The following VAC14 variants were observed in gnomAD, a reference collection of about 807,000 sequenced individuals.
The protein encoded by VAC14 is protein VAC14 homolog.
Under a neutral mutation model 85.3 loss-of-function variants are expected in VAC14, and 47 were observed. The ratio of observed to expected loss-of-function variants is 0.55; its 90% CI spans 0.44 to 0.70. The LOEUF is 0.70. Ranked by LOEUF, VAC14 falls within the 30% of genes least tolerant of loss-of-function variation. The pLI, the probability that VAC14 is intolerant of heterozygous loss-of-function variation, is 0.00. For synonymous variants in VAC14, 447 were observed against 430.5 expected, an observed-to-expected ratio of 1.04 and a Z score of -0.47; for missense variants, 861 against 1,004.3, an observed-to-expected ratio of 0.86 and a Z score of 1.93.
Position 70,687,955 on chromosome 16 carries a change from G to T in VAC14, c.2322C>A (p.Asp774Glu), listed in dbSNP as rs2053528097. The T allele has an allele frequency of 6.3e-7, 1 of 1,578,246 alleles. No individual in the cohort carries two copies. The highest frequency in any genetic ancestry group is 1.4e-5 in the African/African-American group (1 of 73,584). Residue 774 changes from aspartate (D) to glutamate (E), a missense_variant, in exon 19 of 19, where the codon GAC becomes GAA. Physicochemically the swap from Asp to Glu is conservative, Grantham distance 45. Transcript: ENST00000261776. ...AGAGGACAACCCTCCGGTCCAGGTG[G>T]TCCCCACGCCCGCTCCGCTGGTGCC... ...EVRHQRSGRG[D>E]HLDRRVVL
intron 13 of VAC14, among the ~76,000 whole-genome samples, chr16:70,742,711 T>C (rs1012918341): frequency 6.6e-6 from 1 of 152,206 alleles, no homozygotes; most frequent in African/African-American, 2.4e-5. Context: ...CTGGGCCTGG[T>C]CTTAGGGCCA....
chr16:70,777,852 C>T (rs2033600778), intron 9 of VAC14, among the ~76,000 whole-genome samples: 1 of 152,174 alleles, frequency 6.6e-6, no homozygotes, highest in South Asian at 2.1e-4. Context: ...AGAGTGGGAA[C>T]AGAGGGAGCA....
intron 12 of VAC14, among the ~76,000 whole-genome samples, chr16:70,755,823 G>C (rs2031796299): frequency 1.3e-5 from 2 of 152,222 alleles, no homozygotes; most frequent in South Asian, 4.1e-4. Context: ...TTTTGGGGTA[G>C]ACACTGAGGG....
intron 18 of VAC14, chr16:70,689,966 G>A (rs1003576910): frequency 1.0e-6 from 1 of 985,406 alleles, no homozygotes; most frequent in Admixed American, 6.1e-5. Context: ...CCACAGGTGT[G>A]ACCCTAAAGT....
intron 13 of VAC14, among the ~76,000 whole-genome samples, chr16:70,739,550 T>G (rs1403419339): frequency 6.6e-6 from 1 of 152,140 alleles, no homozygotes; most frequent in Non-Finnish European, 1.5e-5. Flanking sequence ...GTGGGATTCC[T>G]GAGTGGGGTG....
intron 14 of VAC14, among the ~76,000 whole-genome samples, chr16:70,729,175 C>G (rs568917007): frequency 2.6e-5 from 4 of 152,326 alleles, no homozygotes; most frequent in Admixed American, 2.0e-4. Context: ...GGGCAGAGGC[C>G]TGGGATGCTG....
chr16:70,762,979 C>A lies in VAC14; in HGVS notation c.1207G>T (p.Val403Phe). The A allele has an allele frequency of 6.2e-7, 1 of 1,614,206 alleles. No individual in the cohort carries two copies. Among genetic ancestry groups the A allele is most frequent in the Non-Finnish European group, 8.5e-7 (1 of 1,180,048 alleles). Residue 403 changes from valine to phenylalanine, a missense_variant, in exon 11 of 19, where the codon GTC becomes TTC. Physicochemically the swap from Val to Phe is conservative, Grantham distance 50. Coordinates refer to ENST00000261776, the MANE Select transcript of VAC14 (RefSeq NM_018052.5). This position sits in a 1 kb window ranked among gnomAD's most constrained non-coding sequence, Gnocchi z 4.1. ...GTGTCACTGAGGTGGCAGTTTAGGA[C>A]CTGCACGATCCCGTCGAGGTGAAGG... ...VTLHLDGIVQVLNCHLSDTAI... is the reference protein window; with the variant it reads ...VTLHLDGIVQFLNCHLSDTAI...
At chr16:70,714,029 G>A (rs1337249810) in intron 14 of VAC14, 1 of 152,192 alleles carries the variant, frequency 6.6e-6, no homozygotes, top group African/African-American at 2.4e-5. Context: ...ACAAATCTCT[G>A]CAGCTGCTGG....
intron 10 of VAC14, among the ~76,000 whole-genome samples, chr16:70,764,103 G>A (rs1228004324): frequency 6.6e-6 from 1 of 152,224 alleles, no homozygotes; most frequent in Non-Finnish European, 1.5e-5. Context: ...ATTTGCATCA[G>A]GAACTGATGG....
At chr16:70,785,623 G>A in intron 3 of VAC14, 79 bp downstream of exon 3, 1 of 1,458,120 alleles carries the variant, frequency 6.9e-7, no homozygotes, top group East Asian at 2.5e-5. Flanking sequence ...TCTGGGAAAA[G>A]GGGTCCAAGG....
intron 15 of VAC14, among the ~76,000 whole-genome samples, chr16:70,698,416 C>A (rs371843898): frequency 6.6e-6 from 1 of 152,146 alleles, no homozygotes; most frequent in Non-Finnish European, 1.5e-5. Context: ...GACCCTCCTG[C>A]GGGCAGAGAC....
chr16:70,766,382 C>T (rs950776535), intron 10 of VAC14: 8 of 423,938 alleles, frequency 1.9e-5, no homozygotes, highest in Non-Finnish European at 2.9e-5. Context: ...CAGCATATCA[C>T]GGAGCTGGTA....
chr16:70,707,726 G>A (rs2053948597), intron 14 of VAC14, among the ~76,000 whole-genome samples: 1 of 152,088 alleles, frequency 6.6e-6, no homozygotes. Flanking sequence ...TTGCTGCCAC[G>A]GGAGGGGCTC....
At chr16:70,693,796 ATTGT>A (rs1251980019) in intron 17 of VAC14, among the ~76,000 whole-genome samples, 1 of 152,136 alleles carries the variant, frequency 6.6e-6, no homozygotes, top group Non-Finnish European at 1.5e-5. Context: ...CAGTCCAGGC[ATTGT>A]TTGTGGAGGA....
In VAC14 at chr16:70,800,778, G is replaced by A. The variant is rs770296691; in HGVS notation, c.104+19C>T. 3 of 1,599,402 alleles carry A rather than the reference G, an allele frequency of 1.9e-6. No homozygotes were observed. Among genetic ancestry groups the A allele is most frequent in the South Asian group, 1.1e-5 (1 of 90,686 alleles). ...AGTCAGGGGCTGCATAGCCAGGGAG[G>A]GGTCCTGGCGGCTCTTACTTCTCGA... On this transcript the variant is annotated intron_variant, in intron 1 of 18. Coordinates refer to ENST00000261776, the MANE Select transcript of VAC14 (RefSeq NM_018052.5).
chr16:70,760,962 G>GGT (rs10671938), intron 12 of VAC14, among the ~76,000 whole-genome samples: 3,835 of 47,298 alleles, frequency 0.081, 337 homozygotes, highest in Non-Finnish European at 0.096. Flanking sequence ...ACGAAGAGAG[G>GGT]GTGTGTGTGT....
At chr16:70,688,286 T>C in intron 18 of VAC14, 196 bp from the exon 19 acceptor site, 2 of 1,229,946 alleles carry the variant, frequency 1.6e-6, no homozygotes, top group Non-Finnish European at 2.0e-6. Context: ...TCTTCCGCAG[T>C]TGGTGGGAAC....
chr16:70,792,718 G>A (rs781016519), intron 1 of VAC14, among the ~76,000 whole-genome samples: 1 of 152,180 alleles, frequency 6.6e-6, no homozygotes, highest in Non-Finnish European at 1.5e-5. Flanking sequence ...CATGAGCCAA[G>A]GGAGAGCCTG....
At chr16:70,779,983 T>A (rs145833561) in intron 9 of VAC14, among the ~76,000 whole-genome samples, 1 of 151,786 alleles carries the variant, frequency 6.6e-6, no homozygotes. Context: ...GCTGGGACTA[T>A]AGGTGTGCAC....
Sources: gnomAD v4.1 joint callset for allele counts (sites outside exome capture counted in the v4.1 genomes callset) on GRCh38, gnomAD v4.1.1 for gene constraint, Gnocchi (gnomAD v3.1) non-coding constraint, MANE v1.5 for transcripts, NCBI Gene and HGNC (gene_info 2026-07-23, HGNC 2026-07-21) for gene names.